Variants in BBX observed in about 807,000 individuals in gnomAD.
BBX encodes BBX high mobility group box domain containing, also known as HMG box transcription factor BBX.
BBX carries 30 observed loss-of-function variants against 100.2 expected under a neutral mutation model. The ratio of observed to expected loss-of-function variants is 0.30; its 90% CI spans 0.22 to 0.41. The LOEUF (loss-of-function observed/expected upper bound fraction) is 0.41, where lower values mean the gene tolerates loss of function less well. Among genes scored for constraint, BBX ranks in the 10% least tolerant of loss-of-function variants. The probability of loss-of-function intolerance (pLI) is 1.00; values close to 1 mark genes in which losing one functional copy is unlikely to be tolerated. For missense variants in BBX, 1,023 were observed against 1,129.8 expected (o/e 0.91, Z 1.35); for synonymous variants, 376 against 388.1 (o/e 0.97, Z 0.37).
chr3:107,679,408 C>A (rs563166050), intron 3 of BBX, among the ~76,000 whole-genome samples: 2 of 152,190 alleles, frequency 1.3e-5, no homozygotes, highest in East Asian at 3.9e-4. Context: ...CGCATATTTT[C>A]TCAGCTTTGT....
chr3:107,584,493 A>G (rs887236530), intron 2 of BBX, among the ~76,000 whole-genome samples: 1 of 150,314 alleles, frequency 6.7e-6, no homozygotes, highest in Non-Finnish European at 1.5e-5. Flanking sequence ...CTAACGTTAC[A>G]CTGTAATGAT....
At chr3:107,794,179 A>G (rs2069355616) in intron 15 of BBX, among the ~76,000 whole-genome samples, 1 of 152,074 alleles carries the variant, frequency 6.6e-6, no homozygotes, top group African/African-American at 2.4e-5. Flanking sequence ...CTACCACTTT[A>G]TAGTTTACAG....
At chr3:107,716,949 A>G in intron 5 of BBX, 100 bp downstream of exon 5, 1 of 1,379,830 alleles carries the variant, frequency 7.2e-7, no homozygotes. Context: ...TAGCAATGAG[A>G]AGGTGAATCA....
chr3:107,579,181 T>C (rs2052064699), intron 2 of BBX, among the ~76,000 whole-genome samples: 1 of 152,230 alleles, frequency 6.6e-6, no homozygotes, highest in South Asian at 2.1e-4. Flanking sequence ...CTTTATTGTT[T>C]TATTATACTG....
intron 3 of BBX, among the ~76,000 whole-genome samples, chr3:107,655,980 G>A (rs928363545): frequency 3.3e-5 from 5 of 152,066 alleles, no homozygotes; most frequent in African/African-American, 1.2e-4. Flanking sequence ...GATTACAGGC[G>A]TGAGCCACCA....
intron 2 of BBX, among the ~76,000 whole-genome samples, chr3:107,637,751 A>C (rs968070951): frequency 6.6e-6 from 1 of 152,142 alleles, no homozygotes; most frequent in Non-Finnish European, 1.5e-5. Flanking sequence ...AAACCAGCTG[A>C]TGGCCTTTTG....
chr3:107,749,703 G>A (rs1483882803), intron 9 of BBX, among the ~76,000 whole-genome samples: 1 of 149,746 alleles, frequency 6.7e-6, no homozygotes, highest in African/African-American at 2.5e-5. Flanking sequence ...GTGCAATCTC[G>A]GCTCACTGCA....
intron 2 of BBX, among the ~76,000 whole-genome samples, chr3:107,531,364 C>A (rs186861842): frequency 2.8e-4 from 42 of 152,284 alleles, no homozygotes; most frequent in African/African-American, 9.9e-4. Context: ...GGACTCTGAG[C>A]ATGTTACCTC....
intron 4 of BBX, chr3:107,711,272 C>A (rs868092506): frequency 1.3e-5 from 6 of 468,074 alleles, no homozygotes; most frequent in Non-Finnish European, 2.7e-5. Flanking sequence ...TGTCTTCTCT[C>A]AGACCAGAAT....
intron 2 of BBX, among the ~76,000 whole-genome samples, chr3:107,589,415 G>T (rs753877708): frequency 2.6e-5 from 4 of 152,146 alleles, no homozygotes; most frequent in Admixed American, 1.3e-4. Flanking sequence ...TCTGTTTTCT[G>T]CCTTCTAGTC....
In BBX at chr3:107,810,787, A is replaced by G. The variant is rs978890564; in HGVS notation, c.*5330A>G. 2 of 152,242 alleles carry G rather than the reference A, an allele frequency of 1.3e-5. No homozygotes were observed. The highest frequency in any genetic ancestry group is 4.8e-5 in the African/African-American group (2 of 41,456). 9.4% of individuals were successfully genotyped at this position (152,242 alleles called of 1,614,324 possible). On this transcript the variant is annotated 3_prime_UTR_variant, in exon 18 of 18. Coordinates refer to ENST00000325805, the MANE Select transcript of BBX (RefSeq NM_001142568.3). ...AGAATAAAATCACCTGAGACTCCACATACCAGATTATAAACTCTTCTCGTA... is the reference window on the plus strand; with the variant it reads ...AGAATAAAATCACCTGAGACTCCACGTACCAGATTATAAACTCTTCTCGTA...
At chr3:107,752,349 A>G (rs1437102140) in intron 9 of BBX, among the ~76,000 whole-genome samples, 1 of 152,218 alleles carries the variant, frequency 6.6e-6, no homozygotes, top group Admixed American at 6.5e-5. Flanking sequence ...TTACACTGTA[A>G]CTAATCAGTG....
At chr3:107,729,742 C>G (rs1456026224) in intron 6 of BBX, among the ~76,000 whole-genome samples, 1 of 152,024 alleles carries the variant, frequency 6.6e-6, no homozygotes, top group African/African-American at 2.4e-5. Flanking sequence ...GTATTAGAAG[C>G]AAATTTTCTT....
intron 2 of BBX, among the ~76,000 whole-genome samples, chr3:107,576,865 A>C (rs1285240741): frequency 6.6e-6 from 1 of 151,754 alleles, no homozygotes; most frequent in African/African-American, 2.4e-5. Context: ...TTATTTATTT[A>C]TTTATTTATT....
rs937546427 is a variant in BBX, at chr3:107,691,160, G to C, written c.-9-19292G>C. Among the ~76,000 whole-genome samples, 7 of 152,018 alleles carry C rather than the reference G, an allele frequency of 4.6e-5. No individual in the cohort carries two copies. The East Asian group carries it at 1.4e-3, about 29-fold the overall frequency. ...AGGCTCAAACGATTACTCCTGCCTT[G>C]ACCTAACATAGTGCTGGGATTACAG... On this transcript the variant is annotated intron_variant, in intron 3 of 17. Transcript: ENST00000325805.
intron 2 of BBX, among the ~76,000 whole-genome samples, chr3:107,628,229 A>C (rs978584033): frequency 2.0e-5 from 3 of 152,110 alleles, no homozygotes; most frequent in Non-Finnish European, 2.9e-5. Context: ...ATTCTATACA[A>C]TTTTAAAGTA....
chr3:107,642,384 G>T (rs945555250), intron 2 of BBX, among the ~76,000 whole-genome samples: 3 of 152,198 alleles, frequency 2.0e-5, no homozygotes, highest in Non-Finnish European at 4.4e-5. Flanking sequence ...AGATGGAGAA[G>T]TAGTTTTAAA....
intron 2 of BBX, among the ~76,000 whole-genome samples, chr3:107,621,296 G>A (rs2055749278): frequency 6.6e-6 from 1 of 152,142 alleles, no homozygotes; most frequent in African/African-American, 2.4e-5. Context: ...GAAGTGAAAG[G>A]AAAATCCAGG....
chr3:107,738,708 C>G (rs2063843733), intron 7 of BBX, among the ~76,000 whole-genome samples: 1 of 152,134 alleles, frequency 6.6e-6, no homozygotes, highest in Non-Finnish European at 1.5e-5. Flanking sequence ...GGCCACTTCT[C>G]CTGTGTCCTG....
Sources: allele counts gnomAD v4.1 joint callset (sites outside exome capture counted in the v4.1 genomes callset), GRCh38; gene constraint gnomAD v4.1.1; transcripts MANE v1.5; gene names NCBI Gene and HGNC (gene_info 2026-07-23, HGNC 2026-07-21).